The following RAI1 variants were observed in gnomAD, a reference collection of about 807,000 sequenced individuals.
RAI1 encodes the protein retinoic acid-induced protein 1.
A neutral mutation model predicts 123.8 loss-of-function variants in RAI1; 9 were observed. The ratio of observed to expected loss-of-function variants is 0.07; its 90% confidence interval spans 0.04 to 0.13. The LOEUF (loss-of-function observed/expected upper bound fraction) is 0.13. Ranked by LOEUF, RAI1 falls within the 10% of genes least tolerant of loss-of-function variation. RAI1 has a pLI of 1.00. For synonymous variants in RAI1, 1,231 were observed against 1,127.3 expected, an observed-to-expected ratio of 1.09 and a Z score of -1.84; for missense variants, 2,256 against 2,545.8, an observed-to-expected ratio of 0.89 and a Z score of 2.45.
rs1598101945 is a variant in RAI1 at position 17,809,445 on chromosome 17, G to A, written c.5709+6G>A. 1 of 1,593,824 alleles carries A rather than the reference G, an allele frequency of 6.3e-7. No individual in the cohort carries two copies. Among genetic ancestry groups the A allele is most frequent in the East Asian group, 2.2e-5 (1 of 44,778 alleles). On this transcript the variant is annotated splice_donor_region_variant and intron_variant, in intron 5 of 5. Transcript: ENST00000353383. This position sits in a 1 kb window ranked among gnomAD's most constrained non-coding sequence, Gnocchi z 4.9. Reference sequence around the variant, plus strand: ...TGAAATGTCCCAAACATAAGGTAGGGGACCACAGTGTTTTGTAGGGCGAGG... The same window carrying A: ...TGAAATGTCCCAAACATAAGGTAGGAGACCACAGTGTTTTGTAGGGCGAGG...
intron 4 of RAI1, among the ~76,000 whole-genome samples, chr17:17,806,996 G>T (rs968538300): frequency 4.6e-5 from 7 of 152,128 alleles, no homozygotes; most frequent in Admixed American, 2.6e-4. Context: ...ACAAAGTGTA[G>T]ATAGCTGGGC....
Position 17,793,101 on chromosome 17 carries a change from T to C in RAI1, c.153T>C (p.Tyr51=), listed in dbSNP as rs961308480. The C allele has an allele frequency of 1.2e-6, 2 of 1,613,980 alleles. No homozygotes were observed. The highest frequency in any genetic ancestry group is 2.7e-5 in the African/African-American group (2 of 74,914). Residue 51 remains tyrosine, a synonymous_variant, in exon 3 of 6, where the codon TAT becomes TAC. Transcript: ENST00000353383. ...DRQRLLAKDY[Y]NPQPYPSYEG... is the part of the protein sequence containing the mutation. ...AGCGGCTGCTCGCCAAGGACTATTA[T>C]AACCCGCAGCCTTACCCGAGCTATG...
chr17:17,804,081 G>C, intron 4 of RAI1: 1 of 622,704 alleles, frequency 1.6e-6, no homozygotes, highest in Non-Finnish European at 3.0e-6. Flanking sequence ...GCCCAGAGCA[G>C]TGAGGGAAGA....
In RAI1 at chr17:17,736,010, T is replaced by C. The variant is rs532998590; in HGVS notation, c.-17+11851T>C. Among the ~76,000 whole-genome samples the C allele has an allele frequency of 1.1e-4, 16 of 152,132 alleles. No individual in the cohort carries two copies. The South Asian group carries it at 3.1e-3, about 30-fold the overall frequency. On this transcript the variant is annotated intron_variant, in intron 2 of 5. Transcript: ENST00000353383. ...TGGACTTGTTTGTGTATCTGTGTTA[T>C]GTGTGTGCATCTGTGTATGGTGTGT...
chr17:17,753,240 G>T (rs1231187583), intron 2 of RAI1, among the ~76,000 whole-genome samples: 5 of 152,242 alleles, frequency 3.3e-5, no homozygotes, highest in African/African-American at 1.2e-4. Flanking sequence ...GGCTGGAGGG[G>T]CCTGGAGTGA....
intron 1 of RAI1, among the ~76,000 whole-genome samples, chr17:17,687,244 A>G (rs1914672475): frequency 6.6e-6 from 1 of 152,058 alleles, no homozygotes; most frequent in South Asian, 2.1e-4. Context: ...GGAGCAGGCG[A>G]GCATGGGGTA....
At chr17:17,716,852 C>G (rs1056925688) in intron 1 of RAI1, among the ~76,000 whole-genome samples, 1 of 152,228 alleles carries the variant, frequency 6.6e-6, no homozygotes, top group East Asian at 1.9e-4. Flanking sequence ...GATGTTGCCA[C>G]TTAACCTCAG....
Position 17,793,170 on chromosome 17 carries a change from C to A in RAI1, c.222C>A (p.Ala74=). ...GTPSGTAAAV[A]ADKYHRGSKA... ...CCTCTGGCACTGCAGCCGCGGTGGC[C>A]GCCGACAAGTACCACCGAGGCAGCA... Residue 74 remains alanine, a synonymous_variant, in exon 3 of 6, where the codon GCC becomes GCA. Coordinates refer to ENST00000353383, the MANE Select transcript of RAI1 (RefSeq NM_030665.4). 6.2e-7 allele frequency: 1 copy of A among 1,613,224 alleles called. No homozygotes were observed. Among genetic ancestry groups the A allele is most frequent in the South Asian group, 1.1e-5 (1 of 91,018 alleles).
intron 1 of RAI1, among the ~76,000 whole-genome samples, chr17:17,717,766 T>C (rs1372265151): frequency 6.6e-6 from 1 of 152,124 alleles, no homozygotes; most frequent in Admixed American, 6.5e-5. Flanking sequence ...GGAAGATGAA[T>C]ACCCATAGTC....
intron 2 of RAI1, chr17:17,766,444 G>A (rs2030935746): frequency 6.6e-6 from 1 of 152,256 alleles, no homozygotes; most frequent in Non-Finnish European, 1.5e-5. Context: ...GTGTCACTCA[G>A]GCGCGTCCGA....
intron 2 of RAI1, among the ~76,000 whole-genome samples, chr17:17,760,814 A>G (rs2030662243): frequency 6.6e-6 from 1 of 151,990 alleles, no homozygotes; most frequent in South Asian, 2.1e-4. Flanking sequence ...CCAGGCCAAG[A>G]AAGGCTTCAG....
rs865858557 is a variant in RAI1, at chr17:17,797,172, A to T, written c.4224A>T (p.Leu1408Phe). 1.2e-6 allele frequency: 2 copies of T among 1,613,968 alleles called. No individual in the cohort carries two copies. The highest frequency in any genetic ancestry group is 2.2e-5 in the South Asian group (2 of 91,092). ...PLCRNPTNRS[L>F]KGKLMNSKKL... The stretch of plus-strand genomic sequence containing the variant: ...GCAGAAATCCAACCAACAGATCCTT[A>T]AAAGGCAAACTCATGAACAGTAAGA... The change falls in exon 3 of 6, where the codon TTA becomes TTT. Residue 1408 changes from leucine (L) to phenylalanine (F), a missense_variant. Leu to Phe is a conservative substitution (Grantham distance 22, BLOSUM62 0). Coordinates refer to ENST00000353383, the MANE Select transcript of RAI1 (RefSeq NM_030665.4).
rs114878272 is a variant in RAI1 at position 17,747,632 on chromosome 17, A to G, written c.-17+23473A>G. Among the ~76,000 whole-genome samples, 530 of 152,274 alleles carry G rather than the reference A, an allele frequency of 3.5e-3. 4 individuals carry two copies. The highest frequency in any genetic ancestry group is 0.012 in the African/African-American group (505 of 41,560). ...TAGTTTGGTGGCAGGGGCCTAGAGT[A>G]TGGGGAGTGCCGACTGATTGGGTTG... On this transcript the variant is annotated intron_variant, in intron 2 of 5. Transcript: ENST00000353383.
rs58147049 is a variant in RAI1 at position 17,800,180 on chromosome 17, G to GTCTCTCTCTCTCTCTCTCTCTCTCTC, written c.5565+1690_5565+1715dup. 2.4e-4 allele frequency among the ~76,000 whole-genome samples: 28 copies of GTCTCTCTCTCTCTCTCTCTCTCTCTC among 116,302 alleles called. 1 individual carries two copies. Among genetic ancestry groups the GTCTCTCTCTCTCTCTCTCTCTCTCTC allele is most frequent in the African/African-American group, 3.6e-4 (12 of 33,330 alleles). 76.3% of individuals were successfully genotyped at this position (116,302 alleles called of 152,430 possible). ...TCTCTCCTGCTTTCTGTCTCTCTCT[G>GTCTCTCTCTCTCTCTCTCTCTCTCTC]TCTCTCTCTCTCTCTCTCTCTCTCT... On this transcript the variant is annotated intron_variant, in intron 3 of 5. Transcript: ENST00000353383. This position sits in a 1 kb window ranked among gnomAD's most constrained non-coding sequence, Gnocchi z 4.7.
Position 17,809,929 on chromosome 17 carries a change from T to A in RAI1, c.5710-41T>A. 6.4e-7 allele frequency: 1 copy of A among 1,557,662 alleles called. No individual in the cohort carries two copies. Among genetic ancestry groups the A allele is most frequent in the East Asian group, 2.4e-5 (1 of 41,698 alleles). On this transcript the variant is annotated intron_variant, in intron 5 of 5. Coordinates refer to ENST00000353383, the MANE Select transcript of RAI1 (RefSeq NM_030665.4). The surrounding 1 kb of genome is among the most constrained non-coding windows in gnomAD (Gnocchi z 4.9). ...GGGGCGGGGCCTATGGACTGTGAAG[T>A]CCGAGGTCGTCGGTAACTGGCGGGC...
Position 17,811,232 on chromosome 17 carries a change from A to G in RAI1, c.*1251A>G. ...TGTATTATATCTGGCCTCGTTATAT[A>G]GTGTATATATATGTATACATATACA... On this transcript the variant is annotated 3_prime_UTR_variant, in exon 6 of 6. Coordinates refer to ENST00000353383, the MANE Select transcript of RAI1 (RefSeq NM_030665.4). The G allele has an allele frequency of 2.9e-6, 1 of 339,168 alleles. No individual in the cohort carries two copies. Among genetic ancestry groups the G allele is most frequent in the Non-Finnish European group, 5.7e-6 (1 of 174,580 alleles). 21.0% of individuals were successfully genotyped at this position (339,168 alleles called of 1,614,324 possible).
intron 2 of RAI1, among the ~76,000 whole-genome samples, chr17:17,751,059 G>C (rs559119491): frequency 6.6e-6 from 1 of 152,344 alleles, no homozygotes; most frequent in Admixed American, 6.5e-5. Flanking sequence ...TTCCGGTTTT[G>C]TCTTTCTGGC....
chr17:17,696,472 C>T (rs1462291873), intron 1 of RAI1, among the ~76,000 whole-genome samples: 1 of 152,208 alleles, frequency 6.6e-6, no homozygotes, highest in Non-Finnish European at 1.5e-5. Flanking sequence ...ATCATTACTT[C>T]TGTATATAGC....
Position 17,810,823 on chromosome 17 carries a change from G to A in RAI1, c.*842G>A, listed in dbSNP as rs764890641. The A allele has an allele frequency of 1.8e-4, 82 of 454,434 alleles. No individual in the cohort carries two copies. The highest frequency in any genetic ancestry group is 1.0e-3 in the Admixed American group (44 of 42,454). The allele number at this position is 454,434 out of a possible 1,614,324, so 28.2% of individuals were successfully genotyped here. ...CTCCGGCTCCGGCGGACGCGCGACC[G>A]TTGTGCACCACCAGGGACCGCCGCG... is the stretch of plus-strand genomic sequence containing the variant. On this transcript the variant is annotated 3_prime_UTR_variant, in exon 6 of 6. Coordinates refer to ENST00000353383, the MANE Select transcript of RAI1 (RefSeq NM_030665.4). This position sits in a 1 kb window ranked among gnomAD's most constrained non-coding sequence, Gnocchi z 4.6.
Sources: allele counts gnomAD v4.1 joint callset (sites outside exome capture counted in the v4.1 genomes callset), GRCh38; gene constraint gnomAD v4.1.1; non-coding constraint Gnocchi (gnomAD v3.1); transcripts MANE v1.5; gene names NCBI Gene and HGNC (gene_info 2026-07-23, HGNC 2026-07-21).